The following FAF1 variants were observed in gnomAD, a reference collection of about 807,000 sequenced individuals.
The protein encoded by FAF1 is FAS-associated factor 1.
FAF1 carries 25 observed loss-of-function variants against 92.5 expected under a neutral mutation model. The observed-to-expected ratio is 0.27, with a 90% confidence interval of 0.20 to 0.38. The LOEUF (loss-of-function observed/expected upper bound fraction) is 0.38. FAF1 is among the 10% of genes least tolerant of loss of function. The pLI, the probability that FAF1 is intolerant of heterozygous loss-of-function variation, is 1.00. For synonymous variants in FAF1, 234 were observed against 273.2 expected (o/e 0.86, Z 1.42); for missense variants, 636 against 793.3 (o/e 0.80, Z 2.38).
chr1:50,889,418 G>A (rs1199829489), intron 1 of FAF1, among the ~76,000 whole-genome samples: 1 of 152,096 alleles, frequency 6.6e-6, no homozygotes, highest in African/African-American at 2.4e-5. Flanking sequence ...TTTTGAATGT[G>A]TTTGCTCTTG....
rs145750554 is a variant in FAF1 at position 50,766,509 on chromosome 1, C to G, written c.367+21491G>C. Among the ~76,000 whole-genome samples the G allele has an allele frequency of 2.4e-4, 36 of 152,158 alleles. No homozygotes were observed. The South Asian group carries it at 3.1e-3, about 13-fold the overall frequency. ...AACTAGCTGCAGCCAGGATGAACAT[C>G]TGCTGCCACCAAGAGACTGGGACAT... On this transcript the variant is annotated intron_variant, in intron 4 of 18. Transcript: ENST00000396153.
chr1:50,539,207 T>G (rs528768023), intron 14 of FAF1, among the ~76,000 whole-genome samples: 1 of 152,200 alleles, frequency 6.6e-6, no homozygotes, highest in African/African-American at 2.4e-5. Context: ...CAATATACAG[T>G]GACTGGATTT....
intron 1 of FAF1, among the ~76,000 whole-genome samples, chr1:50,937,994 C>A (rs1002496252): frequency 2.6e-5 from 4 of 152,138 alleles, no homozygotes; most frequent in Non-Finnish European, 5.9e-5. Flanking sequence ...GCCTGGTATA[C>A]CCTCAGTACA....
At chr1:50,518,171 A>C (rs948998492) in intron 15 of FAF1, among the ~76,000 whole-genome samples, 1 of 152,150 alleles carries the variant, frequency 6.6e-6, no homozygotes, top group Non-Finnish European at 1.5e-5. Flanking sequence ...CTGTCCCTAC[A>C]CTTTTACCTT....
At chr1:50,552,585 T>C (rs1649364266) in intron 13 of FAF1, among the ~76,000 whole-genome samples, 1 of 152,162 alleles carries the variant, frequency 6.6e-6, no homozygotes, top group Non-Finnish European at 1.5e-5. Flanking sequence ...GCAAAAGTAA[T>C]GGCTTATTAT....
chr1:50,769,774 G>T (rs1445420238), intron 4 of FAF1, among the ~76,000 whole-genome samples: 1 of 152,136 alleles, frequency 6.6e-6, no homozygotes, highest in African/African-American at 2.4e-5. Context: ...CAACAGGCTG[G>T]GTGTGGTGGC....
At chr1:50,510,065 A>T (rs1042807486) in intron 15 of FAF1, among the ~76,000 whole-genome samples, 3 of 151,084 alleles carry the variant, frequency 2.0e-5, no homozygotes, top group Non-Finnish European at 4.4e-5. Flanking sequence ...GCTGCTCAGG[A>T]GGCTGAGGCA....
intron 8 of FAF1, among the ~76,000 whole-genome samples, chr1:50,598,984 C>T (rs1651965003): frequency 6.6e-6 from 1 of 151,950 alleles, no homozygotes; most frequent in Admixed American, 6.6e-5. Flanking sequence ...AAAAAAAGAA[C>T]ATACTATGTG....
chr1:50,680,637 T>C (rs1012402048), intron 7 of FAF1, among the ~76,000 whole-genome samples: 1 of 151,802 alleles, frequency 6.6e-6, no homozygotes, highest in Non-Finnish European at 1.5e-5. Flanking sequence ...GAGCTGAGAT[T>C]GTGCCATTGC....
intron 8 of FAF1, chr1:50,606,715 G>C (rs111901479): frequency 6.6e-6 from 1 of 152,052 alleles, no homozygotes; most frequent in East Asian, 1.9e-4. Flanking sequence ...TGGTCAGGCT[G>C]GTCTCGGACT....
chr1:50,790,948 T>A (rs1661541204), intron 3 of FAF1, among the ~76,000 whole-genome samples: 1 of 152,136 alleles, frequency 6.6e-6, no homozygotes, highest in African/African-American at 2.4e-5. Context: ...CAACTATTGT[T>A]CCATAAAACT....
At chr1:50,938,497 T>G (rs1218307380) in intron 1 of FAF1, among the ~76,000 whole-genome samples, 1 of 152,226 alleles carries the variant, frequency 6.6e-6, no homozygotes, top group Non-Finnish European at 1.5e-5. Flanking sequence ...CTGCATAGAC[T>G]TGCAAATATT....
At chr1:50,703,018 T>C (rs1396072618) in intron 7 of FAF1, among the ~76,000 whole-genome samples, 1 of 151,548 alleles carries the variant, frequency 6.6e-6, no homozygotes, top group Non-Finnish European at 1.5e-5. Flanking sequence ...AAAAAATATA[T>C]ATATAAAATA....
intron 12 of FAF1, among the ~76,000 whole-genome samples, chr1:50,568,040 T>C (rs1223371237): frequency 6.6e-6 from 1 of 151,972 alleles, no homozygotes; most frequent in Non-Finnish European, 1.5e-5. Flanking sequence ...AGGTAATAGG[T>C]ATAATAAAAA....
chr1:50,555,264 C>A (rs1474379330), intron 13 of FAF1, among the ~76,000 whole-genome samples: 1 of 149,078 alleles, frequency 6.7e-6, no homozygotes. Flanking sequence ...CACACACACA[C>A]CCCAGGACTC....
At position 50,648,858 on chromosome 1, in the gene FAF1, G is replaced by A. The variant is rs1368323887; in HGVS notation, c.744+6584C>T. On this transcript the variant is annotated intron_variant, in intron 8 of 18. Transcript: ENST00000396153. ...GGAGAATCACTTGAACCCAGGAGGC[G>A]GAGGTTGCGGTGAGCCAAGATCGTG... Among the ~76,000 whole-genome samples the A allele has an allele frequency of 1.1e-4, 16 of 152,152 alleles. No homozygotes were observed. In the South Asian group the frequency reaches 1.7e-3, roughly 16 times the overall value.
intron 2 of FAF1, among the ~76,000 whole-genome samples, chr1:50,854,416 C>G (rs1644375437): frequency 6.6e-6 from 1 of 151,998 alleles, no homozygotes; most frequent in Non-Finnish European, 1.5e-5. Context: ...CTTCTCTTAA[C>G]TCTAAGCGCA....
intron 13 of FAF1, among the ~76,000 whole-genome samples, chr1:50,541,641 A>T (rs1648761939): frequency 1.3e-5 from 2 of 152,164 alleles, no homozygotes; most frequent in Non-Finnish European, 2.9e-5. Context: ...CTTTCACACC[A>T]ATGGATTAAT....
intron 3 of FAF1, among the ~76,000 whole-genome samples, chr1:50,792,727 T>A (rs1488594724): frequency 6.6e-6 from 1 of 152,202 alleles, no homozygotes; most frequent in Non-Finnish European, 1.5e-5. Flanking sequence ...TAAGGGAATC[T>A]GTATTTGAAA....
Sources: allele counts gnomAD v4.1 joint callset (sites outside exome capture counted in the v4.1 genomes callset), GRCh38; gene constraint gnomAD v4.1.1; transcripts MANE v1.5; gene names NCBI Gene and HGNC (gene_info 2026-07-23, HGNC 2026-07-21).